WDR1: variants seen among roughly 807,000 people sequenced by gnomAD.
WDR1 encodes the protein WD repeat domain 1.
WDR1 carries 21 observed loss-of-function variants against 71.9 expected under a neutral mutation model. The observed-to-expected ratio is 0.29, with a 90% confidence interval of 0.21 to 0.42. The LOEUF (loss-of-function observed/expected upper bound fraction) is 0.42, where lower values mean the gene tolerates loss of function less well. WDR1 is among the 10% of genes least tolerant of loss of function. The probability of loss-of-function intolerance (pLI) is 1.00; values close to 1 mark genes in which losing one functional copy is unlikely to be tolerated. For missense variants in WDR1, 696 were observed against 824.5 expected (o/e 0.84, Z 1.91); for synonymous variants, 424 against 347.4 (o/e 1.22, Z -2.45).
intron 1 of WDR1, 109 bp downstream of exon 1, chr4:10,116,542 C>G (rs1480186330): frequency 4.5e-6 from 4 of 893,734 alleles, no homozygotes; most frequent in Non-Finnish European, 5.5e-6. Context: ...CGCCCGCACC[C>G]CTCCCCCGCG....
At chr4:10,112,713 G>A (rs1713460007) in intron 2 of WDR1, among the ~76,000 whole-genome samples, 1 of 152,232 alleles carries the variant, frequency 6.6e-6, no homozygotes, top group South Asian at 2.1e-4. Context: ...AGCTTTCCTT[G>A]TTCTCATGCA....
intron 3 of WDR1, among the ~76,000 whole-genome samples, chr4:10,101,161 A>C (rs1184029141): frequency 6.6e-6 from 1 of 152,276 alleles, no homozygotes; most frequent in Non-Finnish European, 1.5e-5. Flanking sequence ...CCTCAGGAAA[A>C]GGAGGCCTGG....
In WDR1 at chr4:10,088,758, A is replaced by G. The variant is rs771935527; in HGVS notation, c.559-17T>C. 1 of 1,575,630 alleles carries G rather than the reference A, an allele frequency of 6.3e-7. No homozygotes were observed. The highest frequency in any genetic ancestry group is 1.2e-5 in the South Asian group (1 of 86,082). On this transcript the variant is annotated splice_polypyrimidine_tract_variant and intron_variant, in intron 5 of 14. Coordinates refer to ENST00000499869, the MANE Select transcript of WDR1 (RefSeq NM_017491.5). ...GCTGTGGTCCTGCAGGAAAACAATT[A>G]CCTGCCTGATGAGGGGCCGCAGGCC...
At chr4:10,097,394 T>G (rs3822238) in intron 5 of WDR1, among the ~76,000 whole-genome samples, 15,474 of 152,292 alleles carry the variant, frequency 0.1, 1,020 homozygotes, top group East Asian at 0.31. Flanking sequence ...CCCTCTCTAA[T>G]GAGCACCTCC....
At chr4:10,082,190 A>G (rs557188238) in intron 10 of WDR1, among the ~76,000 whole-genome samples, 1 of 152,156 alleles carries the variant, frequency 6.6e-6, no homozygotes, top group African/African-American at 2.4e-5. Context: ...GGGAGGCCCA[A>G]TTTACCTACA....
chr4:10,108,271 C>T (rs921384828), intron 2 of WDR1: 2 of 152,222 alleles, frequency 1.3e-5, no homozygotes, highest in Admixed American at 6.5e-5. Flanking sequence ...GAGGTCACTA[C>T]TCCAATTTAC....
intron 13 of WDR1, 46 bp from the exon 14 acceptor site, chr4:10,077,494 C>A (rs757617049): frequency 8.1e-6 from 13 of 1,612,268 alleles, no homozygotes; most frequent in Admixed American, 1.7e-5. Context: ...CAGGTTCAGG[C>A]CGCAGTTGCC....
Position 10,087,654 on chromosome 4 carries a change from G to C in WDR1, c.951+53C>G. The C allele has an allele frequency of 1.3e-6, 2 of 1,496,432 alleles. 1 individual carries two copies. The highest frequency in any genetic ancestry group is 2.6e-5 in the South Asian group (2 of 76,622). The allele number at this position is 1,496,432 out of a possible 1,614,324, so 92.7% of individuals were successfully genotyped here. The stretch of plus-strand genomic sequence containing the variant: ...GTTCCCCTTCCTTGCTGGCCACTCT[G>C]GTCTCTTCCCTGTCCACCCAGCGGG... On this transcript the variant is annotated intron_variant, in intron 8 of 14. Transcript: ENST00000499869.
At chr4:10,095,607 A>ATTTGGT (rs1712292518) in intron 5 of WDR1, among the ~76,000 whole-genome samples, 1 of 152,008 alleles carries the variant, frequency 6.6e-6, no homozygotes, top group Non-Finnish European at 1.5e-5. Context: ...TACACACCAA[A>ATTTGGT]GTGTATCTGC....
chr4:10,077,724 G>C (rs376051280), intron 13 of WDR1, 29 bp downstream of exon 13: 2 of 1,543,636 alleles, frequency 1.3e-6, no homozygotes, highest in African/African-American at 2.7e-5. Flanking sequence ...CCCAGCACGG[G>C]GACAGAGGAG....
intron 2 of WDR1, among the ~76,000 whole-genome samples, chr4:10,106,816 A>T (rs1173051840): frequency 6.6e-6 from 1 of 152,094 alleles, no homozygotes; most frequent in African/African-American, 2.4e-5. Flanking sequence ...GAGTCAGAGC[A>T]GCCTCCTCCC....
intron 2 of WDR1, among the ~76,000 whole-genome samples, chr4:10,112,534 T>C (rs1713449293): frequency 6.6e-6 from 1 of 152,184 alleles, no homozygotes; most frequent in Non-Finnish European, 1.5e-5. Context: ...GAAACACCCT[T>C]TTTCTACAAG....
At chr4:10,113,515 G>A (rs71603987) in intron 2 of WDR1, among the ~76,000 whole-genome samples, 12,049 of 152,288 alleles carry the variant, frequency 0.079, 815 homozygotes, top group East Asian at 0.35. Flanking sequence ...CCGAGGCCAC[G>A]GTAAGGACTC....
chr4:10,093,818 C>A (rs907062601), intron 5 of WDR1, among the ~76,000 whole-genome samples: 2 of 152,254 alleles, frequency 1.3e-5, no homozygotes, highest in Non-Finnish European at 2.9e-5. Context: ...GCCCAGGCAG[C>A]CACCATACAT....
intron 8 of WDR1, among the ~76,000 whole-genome samples, chr4:10,085,782 G>A (rs1467752373): frequency 2.0e-5 from 3 of 152,196 alleles, no homozygotes; most frequent in African/African-American, 7.2e-5. Flanking sequence ...GTTCTAACAC[G>A]CAGCCTGGGC....
At chr4:10,083,665 G>GC in intron 9 of WDR1, 1 of 474,628 alleles carries the variant, frequency 2.1e-6, no homozygotes, top group Non-Finnish European at 4.2e-6. Flanking sequence ...CTCAGGGAGG[G>GC]CAGCAGAACA....
At chr4:10,082,979 G>A in intron 10 of WDR1, 43 bp downstream of exon 10, 9 of 1,579,042 alleles carry the variant, frequency 5.7e-6, no homozygotes, top group Non-Finnish European at 7.8e-6. Context: ...TCCGAGGGGA[G>A]CTGAGGCTCA....
chr4:10,079,107 G>T, intron 11 of WDR1, 106 bp from the exon 12 acceptor site: 1 of 870,024 alleles, frequency 1.1e-6, no homozygotes. Flanking sequence ...GCTGGGTTTG[G>T]CTCCATACCC....
intron 10 of WDR1, 123 bp downstream of exon 10, chr4:10,082,899 C>T (rs894202514): frequency 1.6e-5 from 20 of 1,250,938 alleles, no homozygotes; most frequent in Admixed American, 2.6e-5. Context: ...ATGCTGGGGA[C>T]GGGGTGGGAG....
Sources: allele counts gnomAD v4.1 joint callset (sites outside exome capture counted in the v4.1 genomes callset), GRCh38; gene constraint gnomAD v4.1.1; transcripts MANE v1.5; gene names NCBI Gene and HGNC (gene_info 2026-07-23, HGNC 2026-07-21).